Variants in GNG7 observed in about 807,000 individuals in gnomAD.
GNG7 encodes the protein G protein subunit gamma 7, also known as guanine nucleotide-binding protein G(I)/G(S)/G(O) subunit gamma-7.
In GNG7, 1 loss-of-function variant was observed where a neutral mutation model predicts 4.0. That is an observed-to-expected ratio of 0.25 (90% CI 0.09 to 1.18). The LOEUF (loss-of-function observed/expected upper bound fraction) is 1.18, where lower values mean the gene tolerates loss of function less well. Ranked by LOEUF, GNG7 falls within the 50% of genes most tolerant of loss-of-function variation. GNG7 has a pLI of 0.50. For synonymous variants in GNG7, 34 were observed against 36.9 expected (o/e 0.92, Z 0.29); for missense variants, 86 against 91.9 (o/e 0.94, Z 0.26).
chr19:2,560,755 G>A (rs184672299), intron 2 of GNG7, among the ~76,000 whole-genome samples: 2 of 151,880 alleles, frequency 1.3e-5, no homozygotes, highest in African/African-American at 4.8e-5. Flanking sequence ...TCAGGAGTTC[G>A]AGACCAGCCT....
intron 1 of GNG7, among the ~76,000 whole-genome samples, chr19:2,695,854 T>C (rs1048556486): frequency 6.6e-6 from 1 of 151,574 alleles, no homozygotes; most frequent in Non-Finnish European, 1.5e-5. Flanking sequence ...AGCACTGAGA[T>C]GGGAAAGAAA....
chr19:2,600,968 G>T (rs1273180888), intron 2 of GNG7, among the ~76,000 whole-genome samples: 1 of 152,030 alleles, frequency 6.6e-6, no homozygotes, highest in African/African-American at 2.4e-5. Flanking sequence ...GGCTGAAGGA[G>T]AATAAAAAAG....
At chr19:2,689,251 T>C (rs1273673613) in intron 1 of GNG7, among the ~76,000 whole-genome samples, 1 of 151,168 alleles carries the variant, frequency 6.6e-6, no homozygotes, top group Non-Finnish European at 1.5e-5. Flanking sequence ...CACCGTGTTA[T>C]AGGGGAAAAA....
chr19:2,523,100 C>G (rs987076161), intron 3 of GNG7, among the ~76,000 whole-genome samples: 5 of 151,720 alleles, frequency 3.3e-5, no homozygotes, highest in African/African-American at 1.2e-4. Context: ...CTCCTGGCCT[C>G]AAGTGATCTG....
At position 2,653,199 on chromosome 19, in the gene GNG7, G is replaced by A. The variant is rs1982875797; in HGVS notation, c.-134-6919C>T. ...CATCTTCTAGGGTTATTAAGGTGCT[G>A]GTTGTTATTTTTGCTTGTAATTCTG... is the stretch of plus-strand genomic sequence containing the variant. On this transcript the variant is annotated intron_variant, in intron 1 of 4. Coordinates refer to ENST00000382159, the MANE Select transcript of GNG7 (RefSeq NM_052847.3). The surrounding 1 kb of genome is among the most constrained non-coding windows in gnomAD (Gnocchi z 4.8). Among the ~76,000 whole-genome samples the A allele has an allele frequency of 6.6e-6, 1 of 152,196 alleles. No individual in the cohort carries two copies. The highest frequency in any genetic ancestry group is 1.5e-5 in the Non-Finnish European group (1 of 68,028).
intron 1 of GNG7, among the ~76,000 whole-genome samples, chr19:2,650,176 T>C (rs760936492): frequency 1.4e-5 from 2 of 143,170 alleles, no homozygotes; most frequent in Non-Finnish European, 3.0e-5. Context: ...ATTCGTGTCA[T>C]AGGAATCTTT....
At chr19:2,686,058 G>A (rs1260849393) in intron 1 of GNG7, among the ~76,000 whole-genome samples, 5 of 152,088 alleles carry the variant, frequency 3.3e-5, no homozygotes, top group Admixed American at 6.6e-5. Context: ...TCATCAGAGC[G>A]AGAATGTGGA....
At chr19:2,583,020 G>A (rs1980548336) in intron 2 of GNG7, among the ~76,000 whole-genome samples, 1 of 151,956 alleles carries the variant, frequency 6.6e-6, no homozygotes, top group African/African-American at 2.4e-5. Flanking sequence ...TGCCCAGGTT[G>A]GTCTCAAACT....
chr19:2,559,997 C>T (rs1400543974), intron 2 of GNG7, among the ~76,000 whole-genome samples: 1 of 152,100 alleles, frequency 6.6e-6, no homozygotes, highest in Non-Finnish European at 1.5e-5. Context: ...AAAAAGAGCA[C>T]AAAAACGCAA....
chr19:2,611,908 T>C lies in GNG7; in HGVS notation c.-78+34316A>G. The C allele has an allele frequency of 6.6e-6, 1 of 151,668 alleles. No individual in the cohort carries two copies. Among genetic ancestry groups the C allele is most frequent in the Non-Finnish European group, 1.5e-5 (1 of 67,958 alleles). The allele number at this position is 151,668 out of a possible 1,614,324, so 9.4% of individuals were successfully genotyped here. A position where few individuals can be genotyped will look rare whatever the true frequency, so the allele number is the denominator to read the frequency against. On this transcript the variant is annotated intron_variant, in intron 2 of 4. Coordinates refer to ENST00000382159, the MANE Select transcript of GNG7 (RefSeq NM_052847.3). The surrounding 1 kb of genome is among the most constrained non-coding windows in gnomAD (Gnocchi z 6.0). ...TTTTTTTTTTGAGATGGAGTCTCGC[T>C]CTGTCACCAGGCTGAAGTGCAGTAG...
At chr19:2,545,984 C>T (rs1047471109) in intron 3 of GNG7, among the ~76,000 whole-genome samples, 2 of 139,296 alleles carry the variant, frequency 1.4e-5, no homozygotes, top group Non-Finnish European at 3.2e-5. Context: ...ACAAAACAAA[C>T]AAACGAAAAA....
At chr19:2,697,987 C>T (rs1034519571) in intron 1 of GNG7, among the ~76,000 whole-genome samples, 1 of 151,642 alleles carries the variant, frequency 6.6e-6, no homozygotes, top group Non-Finnish European at 1.5e-5. Context: ...AAAAGACAGG[C>T]CGGGTGCGGG....
In GNG7 at chr19:2,649,279, C is replaced by T. The variant is rs1225303056; in HGVS notation, c.-134-2999G>A. Among the ~76,000 whole-genome samples, 3 of 151,978 alleles carry T rather than the reference C, an allele frequency of 2.0e-5. No homozygotes were observed. The East Asian group carries it at 5.8e-4, about 29-fold the overall frequency. ...AATGAATTTGAAGTGGTCTGGTGCGCCCTTCAACTCACTACCCTGCCAGCG... is the reference window on the plus strand; with the variant it reads ...AATGAATTTGAAGTGGTCTGGTGCGTCCTTCAACTCACTACCCTGCCAGCG... On this transcript the variant is annotated intron_variant, in intron 1 of 4. Coordinates refer to ENST00000382159, the MANE Select transcript of GNG7 (RefSeq NM_052847.3).
chr19:2,661,462 C>T (rs1313131950), intron 1 of GNG7, among the ~76,000 whole-genome samples: 1 of 151,566 alleles, frequency 6.6e-6, no homozygotes, highest in Non-Finnish European at 1.5e-5. Flanking sequence ...AATTTGAGAC[C>T]AGCCTGGCCA....
At position 2,646,271 on chromosome 19, in the gene GNG7, G is replaced by C. The variant is rs933953550; in HGVS notation, c.-125C>G. 7 of 152,178 alleles carry C rather than the reference G, an allele frequency of 4.6e-5. No individual in the cohort carries two copies. The highest frequency in any genetic ancestry group is 1.3e-4 in the Admixed American group (2 of 15,266). The allele number at this position is 152,178 out of a possible 1,614,324, so 9.4% of individuals were successfully genotyped here. On this transcript the variant is annotated 5_prime_UTR_variant, in exon 2 of 5. Coordinates refer to ENST00000382159, the MANE Select transcript of GNG7 (RefSeq NM_052847.3). ...TGCAGCACCGAGATCCCGAAACCAA[G>C]CTCCACTCCCTGGAAAAAACACATA...
chr19:2,631,286 C>T (rs1982152081), intron 2 of GNG7, among the ~76,000 whole-genome samples: 1 of 152,200 alleles, frequency 6.6e-6, no homozygotes, highest in Non-Finnish European at 1.5e-5. Context: ...AAGCCCTAAA[C>T]TGCTGGTTAT....
Position 2,551,841 on chromosome 19 carries a change from G to A in GNG7, c.-38+3308C>T, listed in dbSNP as rs191678655. ...TGGGATTACAGGCATGCGTCACCAC[G>A]CCCGGCTAATTTTTTTTATTTTCAG... On this transcript the variant is annotated intron_variant, in intron 3 of 4. Transcript: ENST00000382159. Among the ~76,000 whole-genome samples, 24 of 151,864 alleles carry A rather than the reference G, an allele frequency of 1.6e-4. No individual in the cohort carries two copies. In the East Asian group the frequency reaches 2.9e-3, roughly 18 times the overall value.
chr19:2,516,117 T>G (rs1972731834), intron 4 of GNG7, among the ~76,000 whole-genome samples: 1 of 151,828 alleles, frequency 6.6e-6, no homozygotes, highest in African/African-American at 2.4e-5. Context: ...ACTGGGGGGC[T>G]GAGGCTGGAG....
At chr19:2,669,504 A>C (rs1376004014) in intron 1 of GNG7, among the ~76,000 whole-genome samples, 1 of 152,042 alleles carries the variant, frequency 6.6e-6, no homozygotes, top group Non-Finnish European at 1.5e-5. Flanking sequence ...CAAACAAACA[A>C]AAACAAACAC....
Sources: gnomAD v4.1 joint callset for allele counts (sites outside exome capture counted in the v4.1 genomes callset) on GRCh38, gnomAD v4.1.1 for gene constraint, Gnocchi (gnomAD v3.1) non-coding constraint, MANE v1.5 for transcripts, NCBI Gene and HGNC (gene_info 2026-07-23, HGNC 2026-07-21) for gene names.